CHST9: variants seen among roughly 807,000 people sequenced by gnomAD.
CHST9 encodes the protein carbohydrate sulfotransferase 9.
In CHST9, 41 loss-of-function variants were observed where a neutral mutation model predicts 44.4. The observed-to-expected ratio is 0.92, with a 90% CI of 0.72 to 1.20. CHST9 has a LOEUF of 1.20. Among genes scored for constraint, CHST9 ranks in the 50% most tolerant of loss-of-function variants. CHST9 has a pLI of 0.00. For synonymous variants in CHST9, 171 were observed against 178.4 expected (o/e 0.96, Z 0.33); for missense variants, 504 against 516.5 (o/e 0.98, Z 0.23).
chr18:26,944,420 T>C, intron 4 of CHST9, 54 bp from the exon 5 acceptor site: 1 of 1,270,414 alleles, frequency 7.9e-7, no homozygotes. Context: ...ATGAATAAAA[T>C]GCGGTACTGA....
At chr18:27,035,153 C>T (rs894159037) in intron 3 of CHST9, among the ~76,000 whole-genome samples, 1 of 152,170 alleles carries the variant, frequency 6.6e-6, no homozygotes, top group Non-Finnish European at 1.5e-5. Context: ...TCTCCACATC[C>T]TTGCCAACAC....
In CHST9 at chr18:27,044,524, A is replaced by G. The variant is rs374012591; in HGVS notation, c.160+3941T>C. Among the ~76,000 whole-genome samples, 110 of 152,186 alleles carry G rather than the reference A, an allele frequency of 7.2e-4. 1 individual carries two copies. Among genetic ancestry groups the G allele is most frequent in the African/African-American group, 2.5e-3 (103 of 41,562 alleles). Reference sequence around the variant, plus strand: ...AAACATGTAGATATTGCAAAATACCAATGTCCAAAATAATGGGCTTTTCAA... The same window carrying G: ...AAACATGTAGATATTGCAAAATACCGATGTCCAAAATAATGGGCTTTTCAA... On this transcript the variant is annotated intron_variant, in intron 3 of 5. Coordinates refer to ENST00000618847, the MANE Select transcript of CHST9 (RefSeq NM_031422.6).
At chr18:27,161,426 C>T (rs994674659) in intron 1 of CHST9, among the ~76,000 whole-genome samples, 60 of 152,062 alleles carry the variant, frequency 3.9e-4, no homozygotes, top group African/African-American at 9.9e-4. Context: ...CAGTTTTGAG[C>T]GAGTTTCTGG....
At chr18:27,059,581 T>G (rs8094414) in intron 2 of CHST9, among the ~76,000 whole-genome samples, 1,547 of 152,344 alleles carry the variant, frequency 0.01, 20 homozygotes, top group African/African-American at 0.035. Flanking sequence ...TTGTTCACTT[T>G]AAATAGCAAT....
chr18:27,051,762 A>G (rs1427400265), intron 2 of CHST9, among the ~76,000 whole-genome samples: 1 of 152,240 alleles, frequency 6.6e-6, no homozygotes, highest in Non-Finnish European at 1.5e-5. Flanking sequence ...GTGAGCTGAT[A>G]AGTTTATTGT....
chr18:26,972,357 C>CAAAAAAA (rs887066938), intron 4 of CHST9, among the ~76,000 whole-genome samples: 7 of 65,228 alleles, frequency 1.1e-4, no homozygotes, highest in Admixed American at 7.0e-4. Context: ...ACTCCAACTC[C>CAAAAAAA]AAAAAAAAAA....
In CHST9 at chr18:27,000,622, G is replaced by GTCTATCTACCTACCTATCTATCTATCTA. The variant is rs1555675551; in HGVS notation, c.202+23493_202+23494insTAGATAGATAGATAGGTAGGTAGATAGA. On this transcript the variant is annotated intron_variant, in intron 4 of 5. Transcript: ENST00000618847. ...TTTCTCTCCATCATTTATTTGTTTT[G>GTCTATCTACCTACCTATCTATCTATCTA]TCTATCTATCTATCTATCTATCTAT... Among the ~76,000 whole-genome samples the GTCTATCTACCTACCTATCTATCTATCTA allele has an allele frequency of 1.1e-3, 157 of 147,606 alleles. 2 individuals are homozygous for GTCTATCTACCTACCTATCTATCTATCTA. The highest frequency in any genetic ancestry group is 3.8e-3 in the African/African-American group (152 of 40,470).
intron 4 of CHST9, among the ~76,000 whole-genome samples, chr18:26,957,753 T>C (rs2056345021): frequency 6.6e-6 from 1 of 152,182 alleles, no homozygotes; most frequent in South Asian, 2.1e-4. Flanking sequence ...GTGTGGGTTA[T>C]GTTGGGTGAA....
At position 27,051,059 on chromosome 18, in the gene CHST9, T is replaced by C. The variant is rs76664829; in HGVS notation, c.122-2556A>G. On this transcript the variant is annotated intron_variant, in intron 2 of 5. Transcript: ENST00000618847. ...TAATCCCACTGAATTAGATTGACTGTGTAATCAAGGATTTTGTGGGAATAA... is the reference window on the plus strand; with the variant it reads ...TAATCCCACTGAATTAGATTGACTGCGTAATCAAGGATTTTGTGGGAATAA... 2.0e-3 allele frequency among the ~76,000 whole-genome samples: 306 copies of C among 152,314 alleles called. 3 individuals carry two copies. The highest frequency in any genetic ancestry group is 6.8e-3 in the African/African-American group (284 of 41,568).
intron 2 of CHST9, among the ~76,000 whole-genome samples, chr18:27,078,103 G>A (rs1450954133): frequency 6.6e-6 from 1 of 152,138 alleles, no homozygotes; most frequent in Non-Finnish European, 1.5e-5. Flanking sequence ...CCAACACTGA[G>A]AATTACAATT....
chr18:27,102,534 G>A (rs553566778), intron 2 of CHST9, among the ~76,000 whole-genome samples: 2 of 152,264 alleles, frequency 1.3e-5, no homozygotes, highest in South Asian at 4.1e-4. Flanking sequence ...ATTTTTCTAT[G>A]CACATGTAGC....
At chr18:27,032,212 A>G (rs1475952068) in intron 3 of CHST9, among the ~76,000 whole-genome samples, 1 of 152,164 alleles carries the variant, frequency 6.6e-6, no homozygotes, top group Non-Finnish European at 1.5e-5. Flanking sequence ...TGTGCTCTGT[A>G]GCCTGTGACT....
At chr18:27,036,814 G>T (rs1209087195) in intron 3 of CHST9, among the ~76,000 whole-genome samples, 1 of 152,052 alleles carries the variant, frequency 6.6e-6, no homozygotes, top group African/African-American at 2.4e-5. Context: ...CATGAGAACT[G>T]CCCTTTTAAC....
At chr18:26,980,513 T>C (rs1270602365) in intron 4 of CHST9, among the ~76,000 whole-genome samples, 1 of 152,202 alleles carries the variant, frequency 6.6e-6, no homozygotes, top group Non-Finnish European at 1.5e-5. Context: ...CATGCTATAA[T>C]GTTCGATTAT....
intron 3 of CHST9, among the ~76,000 whole-genome samples, chr18:27,032,190 G>T (rs150533110): frequency 6.6e-6 from 1 of 152,160 alleles, no homozygotes; most frequent in African/African-American, 2.4e-5. Context: ...TTAAGGGAAG[G>T]CTCTTTGTCT....
chr18:27,023,032 C>G (rs1424604997), intron 4 of CHST9, among the ~76,000 whole-genome samples: 1 of 151,992 alleles, frequency 6.6e-6, no homozygotes, highest in Non-Finnish European at 1.5e-5. Flanking sequence ...TTCAATATAC[C>G]CCTAGGAGGG....
chr18:27,139,498 C>T (rs34364703), intron 2 of CHST9, among the ~76,000 whole-genome samples: 131 of 107,768 alleles, frequency 1.2e-3, no homozygotes, highest in Middle Eastern at 5.2e-3. Context: ...CACACACACA[C>T]ACATATATAT....
At chr18:26,926,904 A>G (rs1435677460) in intron 5 of CHST9, among the ~76,000 whole-genome samples, 3 of 152,244 alleles carry the variant, frequency 2.0e-5, no homozygotes, top group Non-Finnish European at 1.5e-5. Context: ...TGTTTTCACT[A>G]TTAGGATTTA....
At chr18:27,077,814 A>G (rs905761202) in intron 2 of CHST9, among the ~76,000 whole-genome samples, 3 of 152,222 alleles carry the variant, frequency 2.0e-5, no homozygotes, top group African/African-American at 7.2e-5. Flanking sequence ...TAAAGACATA[A>G]CCGAGACTGG....
Sources: gnomAD v4.1 joint callset for allele counts (sites outside exome capture counted in the v4.1 genomes callset) on GRCh38, gnomAD v4.1.1 for gene constraint, MANE v1.5 for transcripts, NCBI Gene and HGNC (gene_info 2026-07-23, HGNC 2026-07-21) for gene names.